The following C3orf49 variants were observed in gnomAD, a reference collection of about 807,000 sequenced individuals.
C3orf49 encodes chromosome 3 open reading frame 49, also known as putative uncharacterized protein C3orf49.
A neutral mutation model predicts 13.3 loss-of-function variants in C3orf49; 27 were observed. That is an observed-to-expected ratio of 2.02 (90% CI 1.49 to 2.79). The LOEUF (loss-of-function observed/expected upper bound fraction) is 2.79, where lower values mean the gene tolerates loss of function less well. Ranked by LOEUF, C3orf49 falls within the 30% of genes most tolerant of loss-of-function variation. The pLI, the probability that C3orf49 is intolerant of heterozygous loss-of-function variation, is 0.00. For synonymous variants in C3orf49, 87 were observed against 47.6 expected (o/e 1.83, Z -3.40); for missense variants, 242 against 134.2 (o/e 1.80, Z -3.97).
chr3:63,807,119 T>A, the C3orf49 span, among the ~76,000 whole-genome samples: 2 of 151,876 alleles, frequency 1.3e-5, no homozygotes, highest in Non-Finnish European at 2.9e-5. Context: ...GCCCGGCTAA[T>A]TTTTTGTATT....
intron 5 of C3orf49, among the ~76,000 whole-genome samples, chr3:63,840,326 G>T (rs1351002985): frequency 6.6e-6 from 1 of 152,124 alleles, no homozygotes; most frequent in African/African-American, 2.4e-5. Flanking sequence ...GGATTTGTTA[G>T]ATAAACATAT....
the C3orf49 span, among the ~76,000 whole-genome samples, chr3:63,795,004 C>T: frequency 1.3e-5 from 2 of 152,162 alleles, no homozygotes; most frequent in South Asian, 2.1e-4. Context: ...GTTGCCGTCC[C>T]GTCTCCCTTT....
intron 5 of C3orf49, among the ~76,000 whole-genome samples, chr3:63,833,268 G>T (rs1349570243): frequency 1.3e-5 from 2 of 151,790 alleles, no homozygotes; most frequent in Non-Finnish European, 2.9e-5. Flanking sequence ...GGCTAATTTT[G>T]TATTTTTTTT....
chr3:63,831,535 T>C, intron 4 of C3orf49, 145 bp from the exon 5 acceptor site: 1 of 626,568 alleles, frequency 1.6e-6, no homozygotes, highest in Non-Finnish European at 2.8e-6. Flanking sequence ...CTCCATTTGC[T>C]ATGACTTGAA....
Position 63,831,832 on chromosome 3 carries a change from T to A in C3orf49, c.837T>A (p.Tyr279Ter). ...TATCCAAGAGAACCATGAGGAAGTA[T>A]AAATTAAAAAATGTGTGTTTCCCAT... ...QRISKRTMRK[Y>*]KLKNMTTKGP... The change falls in exon 5 of 7, where the codon TAT becomes TAA. Residue 279 changes from tyrosine to a stop codon, truncating the protein, a stop_gained. Coordinates refer to ENST00000295896, the MANE Select transcript of C3orf49 (RefSeq NM_001355236.2). LOFTEE classifies it high-confidence loss of function. 1 of 695,734 alleles carries A rather than the reference T, an allele frequency of 1.4e-6. No individual in the cohort carries two copies. Among genetic ancestry groups the A allele is most frequent in the African/African-American group, 1.8e-5 (1 of 56,638 alleles). The allele number at this position is 695,734 out of a possible 1,614,324, so 43.1% of individuals were successfully genotyped here.
At chr3:63,786,561 GA>G in the C3orf49 span, among the ~76,000 whole-genome samples, 36 of 151,990 alleles carry the variant, frequency 2.4e-4, no homozygotes, top group African/African-American at 6.0e-4. Flanking sequence ...GCTAAAGAAG[GA>G]AAAAAAATAT....
chr3:63,816,093 T>C (rs1301911393), upstream of C3orf49, among the ~76,000 whole-genome samples: 1 of 151,592 alleles, frequency 6.6e-6, no homozygotes, highest in African/African-American at 2.4e-5. Flanking sequence ...CTGTTTTTCT[T>C]TTTATTTATT....
At position 63,848,533 on chromosome 3, in the gene C3orf49, T is replaced by C. The variant is rs1160425091; in HGVS notation, c.*200T>C. On this transcript the variant is annotated 3_prime_UTR_variant, in exon 7 of 7. Coordinates refer to ENST00000295896, the MANE Select transcript of C3orf49 (RefSeq NM_001355236.2). ...GCCTGTAACTTCTGTCCCCCTAAAATGCATAAAATCAGCTGTAATTCAACC... is the reference window on the plus strand; with the variant it reads ...GCCTGTAACTTCTGTCCCCCTAAAACGCATAAAATCAGCTGTAATTCAACC... 1 of 152,244 alleles carries C rather than the reference T, an allele frequency of 6.6e-6. No individual in the cohort carries two copies. The highest frequency in any genetic ancestry group is 1.5e-5 in the Non-Finnish European group (1 of 68,062). The allele number at this position is 152,244 out of a possible 1,614,324, so 9.4% of individuals were successfully genotyped here.
the C3orf49 span, among the ~76,000 whole-genome samples, chr3:63,783,742 CATTA>C: frequency 1.4e-5 from 2 of 145,942 alleles, no homozygotes; most frequent in Non-Finnish European, 3.0e-5. Context: ...TTAATTAATT[CATTA>C]ATTAATTAAT....
At chr3:63,842,411 CA>C (rs765090808) in intron 5 of C3orf49, among the ~76,000 whole-genome samples, 6 of 152,136 alleles carry the variant, frequency 3.9e-5, no homozygotes, top group East Asian at 1.9e-4. Flanking sequence ...GAAGAGTCCT[CA>C]AAAAACTGAA....
At chr3:63,800,528 G>T in the C3orf49 span, among the ~76,000 whole-genome samples, 1 of 151,904 alleles carries the variant, frequency 6.6e-6, no homozygotes, top group Non-Finnish European at 1.5e-5. Flanking sequence ...GTCAAGTATA[G>T]ACCAATGAGA....
the C3orf49 span, among the ~76,000 whole-genome samples, chr3:63,789,058 C>T: frequency 6.6e-6 from 1 of 152,098 alleles, no homozygotes; most frequent in Non-Finnish European, 1.5e-5. Context: ...AGTACTGGTA[C>T]GTCATCTGTT....
chr3:63,799,391 C>A, the C3orf49 span, among the ~76,000 whole-genome samples: 1 of 152,058 alleles, frequency 6.6e-6, no homozygotes, highest in Non-Finnish European at 1.5e-5. Context: ...TTCAAGTTGC[C>A]TGGAGCAAGT....
chr3:63,810,796 TC>T, the C3orf49 span, among the ~76,000 whole-genome samples: 28 of 152,302 alleles, frequency 1.8e-4, no homozygotes, highest in African/African-American at 6.7e-4. Context: ...CATACGATAA[TC>T]TCTAGAAAAG....
rs12629306 is a variant in C3orf49, at chr3:63,829,595, A to G, written c.571-1515A>G. On this transcript the variant is annotated intron_variant, in intron 3 of 6. Transcript: ENST00000295896. Reference sequence around the variant, plus strand: ...TATGATTAAGAATTTCTGTCCATCAAATGGTGTTAGATCAGAGGTTGTCAA... The same window carrying G: ...TATGATTAAGAATTTCTGTCCATCAGATGGTGTTAGATCAGAGGTTGTCAA... Among the ~76,000 whole-genome samples, 32 of 152,284 alleles carry G rather than the reference A, an allele frequency of 2.1e-4. No individual in the cohort carries two copies. In the East Asian group the frequency reaches 6.2e-3, roughly 29 times the overall value.
At chr3:63,844,927 C>T in intron 5 of C3orf49, 96 bp from the exon 6 acceptor site, 1 of 571,164 alleles carries the variant, frequency 1.8e-6, no homozygotes, top group Non-Finnish European at 3.2e-6. Flanking sequence ...GCTATAATAC[C>T]TGAAAATGTG....
rs536503532 is a variant in C3orf49 at position 63,843,277 on chromosome 3, C to T, written c.850-1746C>T. Among the ~76,000 whole-genome samples, 41 of 152,034 alleles carry T rather than the reference C, an allele frequency of 2.7e-4. 2 individuals carry two copies. In the South Asian group the frequency reaches 8.3e-3, roughly 31 times the overall value. On this transcript the variant is annotated intron_variant, in intron 5 of 6. Transcript: ENST00000295896. ...GGGATTACAGGCATGTGCCACCATG[C>T]CCAGCTAATTTTGTATTTCCAGTAG...
chr3:63,845,092 A>G lies in C3orf49; in HGVS notation c.*30+10A>G. 1.4e-6 allele frequency: 1 copy of G among 693,150 alleles called. No homozygotes were observed. Among genetic ancestry groups the G allele is most frequent in the Non-Finnish European group, 2.6e-6 (1 of 380,148 alleles). 42.9% of individuals were successfully genotyped at this position (693,150 alleles called of 1,614,324 possible). ...AGGAACACAGGAAAAGGTGATGCTA[A>G]CCTTCTTTTCTGGGGGTGGGGGGTA... is the stretch of plus-strand genomic sequence containing the variant. On this transcript the variant is annotated intron_variant, in intron 6 of 6. Transcript: ENST00000295896.
At chr3:63,792,433 A>G in the C3orf49 span, among the ~76,000 whole-genome samples, 2 of 152,242 alleles carry the variant, frequency 1.3e-5, no homozygotes, top group South Asian at 4.1e-4. Context: ...TGGCCACTCT[A>G]TGCCTAAACT....
Sources: gnomAD v4.1 joint callset for allele counts (sites outside exome capture counted in the v4.1 genomes callset) on GRCh38, gnomAD v4.1.1 for gene constraint, MANE v1.5 for transcripts, NCBI Gene and HGNC (gene_info 2026-07-23, HGNC 2026-07-21) for gene names.